RUNX1: variants seen among roughly 807,000 people sequenced by gnomAD.
RUNX1 encodes the protein RUNX family transcription factor 1.
Under a neutral mutation model 42.8 loss-of-function variants are expected in RUNX1, and 19 were observed. The observed-to-expected ratio is 0.44, with a 90% CI of 0.31 to 0.65. The LOEUF is 0.65. Among genes scored for constraint, RUNX1 ranks in the 30% least tolerant of loss-of-function variants. The probability of loss-of-function intolerance (pLI) is 0.07; values close to 1 mark genes in which losing one functional copy is unlikely to be tolerated. For synonymous variants in RUNX1, 271 were observed against 289.4 expected (o/e 0.94, Z 0.64); for missense variants, 528 against 672.0 (o/e 0.79, Z 2.37).
At chr21:34,939,120 T>C (rs902201565) in intron 2 of RUNX1, among the ~76,000 whole-genome samples, 2 of 152,254 alleles carry the variant, frequency 1.3e-5, no homozygotes, top group South Asian at 4.1e-4. Flanking sequence ...AAGTAAATGG[T>C]TGCTGTATCT....
chr21:34,848,620 A>C (rs2057350628), intron 6 of RUNX1, among the ~76,000 whole-genome samples: 1 of 152,066 alleles, frequency 6.6e-6, no homozygotes, highest in Non-Finnish European at 1.5e-5. Flanking sequence ...TTTTTAGTAG[A>C]GACGGGGTTT....
At chr21:35,048,358 T>C (rs1166686425) in intron 2 of RUNX1, among the ~76,000 whole-genome samples, 2 of 152,216 alleles carry the variant, frequency 1.3e-5, no homozygotes, top group African/African-American at 2.4e-5. Context: ...TCTGAGAGCC[T>C]CCGCCTCCTG....
chr21:35,013,360 A>G (rs2059138952), intron 2 of RUNX1, among the ~76,000 whole-genome samples: 1 of 152,240 alleles, frequency 6.6e-6, no homozygotes, highest in Non-Finnish European at 1.5e-5. Flanking sequence ...CTTTATACAT[A>G]TAAATCTAGT....
intron 2 of RUNX1, among the ~76,000 whole-genome samples, chr21:34,975,928 A>G (rs1211525097): frequency 6.6e-6 from 1 of 152,134 alleles, no homozygotes; most frequent in Non-Finnish European, 1.5e-5. Flanking sequence ...ATGGATTGAG[A>G]CTAAATTATG....
intron 2 of RUNX1, among the ~76,000 whole-genome samples, chr21:34,923,386 A>G (rs1414345954): frequency 1.3e-5 from 2 of 152,306 alleles, no homozygotes; most frequent in East Asian, 3.9e-4. Flanking sequence ...AAGAAACTGA[A>G]TAGTGATGAG....
At chr21:35,046,356 T>C (rs1162553381) in intron 2 of RUNX1, among the ~76,000 whole-genome samples, 1 of 152,134 alleles carries the variant, frequency 6.6e-6, no homozygotes, top group African/African-American at 2.4e-5. Flanking sequence ...TAAAAATGAG[T>C]TACAGGTTTC....
chr21:34,854,093 C>T (rs1014165294), intron 6 of RUNX1, among the ~76,000 whole-genome samples: 2 of 152,144 alleles, frequency 1.3e-5, no homozygotes, highest in African/African-American at 2.4e-5. Flanking sequence ...GGATTACAGG[C>T]GGGAGCCACT....
Position 34,907,071 on chromosome 21 carries a change from A to G in RUNX1, c.59-14108T>C, listed in dbSNP as rs1166325578. ...TCATTAGTATTCATTATTCATGAGG[A>G]CTTGATCGTGTATTCAAAGTCAGCC... On this transcript the variant is annotated intron_variant, in intron 2 of 8. Coordinates refer to ENST00000675419, the MANE Select transcript of RUNX1 (RefSeq NM_001754.5). This position sits in a 1 kb window ranked among gnomAD's most constrained non-coding sequence, Gnocchi z 5.3. 2.0e-5 allele frequency among the ~76,000 whole-genome samples: 3 copies of G among 152,132 alleles called. No individual in the cohort carries two copies. The highest frequency in any genetic ancestry group is 4.4e-5 in the Non-Finnish European group (3 of 68,026).
At chr21:34,873,198 T>C (rs1192011729) in intron 5 of RUNX1, among the ~76,000 whole-genome samples, 1 of 151,718 alleles carries the variant, frequency 6.6e-6, no homozygotes, top group East Asian at 1.9e-4. Context: ...CAAACTGGAG[T>C]GTTTCCACCT....
intron 2 of RUNX1, among the ~76,000 whole-genome samples, chr21:35,008,275 G>A (rs1164910245): frequency 2.0e-5 from 3 of 152,172 alleles, no homozygotes; most frequent in African/African-American, 7.2e-5. Context: ...CTCATATTAG[G>A]GGAATGTATG....
At chr21:34,954,078 C>A (rs573890203) in intron 2 of RUNX1, among the ~76,000 whole-genome samples, 1 of 152,334 alleles carries the variant, frequency 6.6e-6, no homozygotes, top group African/African-American at 2.4e-5. Flanking sequence ...GGACCCAGAT[C>A]TAAACCAAAC....
intron 2 of RUNX1, among the ~76,000 whole-genome samples, chr21:35,028,209 T>C (rs529201333): frequency 1.8e-4 from 27 of 152,320 alleles, no homozygotes; most frequent in East Asian, 1.9e-4. Flanking sequence ...TACAGGGCTA[T>C]TAAGATGCAG....
intron 2 of RUNX1, among the ~76,000 whole-genome samples, chr21:35,039,986 A>T (rs1287603493): frequency 1.3e-5 from 2 of 152,230 alleles, no homozygotes; most frequent in African/African-American, 4.8e-5. Flanking sequence ...CCCATTCATT[A>T]CATGAAAGGG....
At chr21:34,971,216 T>G (rs975019645) in intron 2 of RUNX1, among the ~76,000 whole-genome samples, 1 of 152,198 alleles carries the variant, frequency 6.6e-6, no homozygotes, top group African/African-American at 2.4e-5. Context: ...ATCAGTTCTT[T>G]TTTATCAAAG....
intron 5 of RUNX1, among the ~76,000 whole-genome samples, chr21:34,861,894 T>A (rs2057581779): frequency 6.6e-6 from 1 of 152,168 alleles, no homozygotes; most frequent in South Asian, 2.1e-4. Flanking sequence ...TCATACTGAA[T>A]GCAGTTTGCG....
intron 2 of RUNX1, among the ~76,000 whole-genome samples, chr21:34,965,419 A>G (rs1412754659): frequency 6.6e-6 from 1 of 152,194 alleles, no homozygotes; most frequent in Non-Finnish European, 1.5e-5. Context: ...TCCACTGCGT[A>G]GGGCCAGATA....
rs374153908 is a variant in RUNX1, at chr21:34,906,091, A to C, written c.59-13128T>G. Among the ~76,000 whole-genome samples, 51 of 152,282 alleles carry C rather than the reference A, an allele frequency of 3.3e-4. 1 individual carries two copies. The South Asian group carries it at 0.01, about 30-fold the overall frequency. The stretch of plus-strand genomic sequence containing the variant: ...ATTCCCCTTTGAGACAAAGTTTTGG[A>C]TTTTCGAAAGTAAATGTGGTACTTT... On this transcript the variant is annotated intron_variant, in intron 2 of 8. Transcript: ENST00000675419.
rs770788424 is a variant in RUNX1, at chr21:34,880,553, G to A, written c.508+4C>T. The A allele has an allele frequency of 9.3e-6, 15 of 1,613,882 alleles. 1 individual carries two copies. In the South Asian group the frequency reaches 1.3e-4, roughly 14 times the overall value. ...TTCAAGCATAGTTTTGACAGATAAC[G>A]TACCTCTTCCACTTCGACCGACAAA... On this transcript the variant is annotated splice_donor_region_variant and intron_variant, in intron 5 of 8. Transcript: ENST00000675419.
chr21:34,874,415 G>A (rs1481627415), intron 5 of RUNX1, among the ~76,000 whole-genome samples: 4 of 151,348 alleles, frequency 2.6e-5, no homozygotes, highest in African/African-American at 9.7e-5. Context: ...TTCAAGACCA[G>A]CCCAGTCAAC....
Sources: allele counts gnomAD v4.1 joint callset (sites outside exome capture counted in the v4.1 genomes callset), GRCh38; gene constraint gnomAD v4.1.1; non-coding constraint Gnocchi (gnomAD v3.1); transcripts MANE v1.5; gene names NCBI Gene and HGNC (gene_info 2026-07-23, HGNC 2026-07-21).